RIPOR3: variants seen among roughly 807,000 people sequenced by gnomAD.
The protein encoded by RIPOR3 is family with sequence similarity 65 member C.
RIPOR3 carries 95 observed loss-of-function variants against 114.3 expected under a neutral mutation model. The ratio of observed to expected loss-of-function variants is 0.83; its 90% CI spans 0.70 to 0.99. The LOEUF is 0.99. Ranked by LOEUF, RIPOR3 falls within the 50% of genes least tolerant of loss-of-function variation. The probability of loss-of-function intolerance (pLI) is 0.00; values close to 1 mark genes in which losing one functional copy is unlikely to be tolerated. For missense variants in RIPOR3, 1,252 were observed against 1,266.9 expected (o/e 0.99, Z 0.18); for synonymous variants, 575 against 543.8 (o/e 1.06, Z -0.80).
chr20:50,587,323 C>T lies in RIPOR3; in HGVS notation c.2762G>A (p.Gly921Glu). Reference sequence around the variant, plus strand: ...GTCCATCTTCTCAAAAGCTAACCGTCCTTTTTCACCTGAAATAGCAAAGGG... The same window carrying T: ...GTCCATCTTCTCAAAAGCTAACCGTTCTTTTTCACCTGAAATAGCAAAGGG... ...RETTLSFGEK[G>E]RLAFEKMDKL... Residue 921 changes from glycine (G) to glutamate (E), a missense_variant, in exon 22 of 22, where the codon GGA becomes GAA. Transcript: ENST00000327979. The T allele has an allele frequency of 6.2e-7, 1 of 1,614,022 alleles. No homozygotes were observed. Among genetic ancestry groups the T allele is most frequent in the East Asian group, 2.2e-5 (1 of 44,886 alleles).
At chr20:50,597,509 G>C in intron 14 of RIPOR3, 71 bp downstream of exon 14, 5 of 1,544,190 alleles carry the variant, frequency 3.2e-6, no homozygotes, top group Non-Finnish European at 4.4e-6. Flanking sequence ...AGGCTGGCAG[G>C]AAACGTGGAG....
At chr20:50,589,084 GAAAAAAAAAA>G (rs529410533) in intron 20 of RIPOR3, among the ~76,000 whole-genome samples, 18 of 89,542 alleles carry the variant, frequency 2.0e-4, no homozygotes, top group South Asian at 3.9e-4. Context: ...TCCATCTCAA[GAAAAAAAAAA>G]AAAAAAAAAA....
intron 1 of RIPOR3, among the ~76,000 whole-genome samples, chr20:50,682,425 T>G (rs888155960): frequency 1.4e-4 from 22 of 152,128 alleles, no homozygotes; most frequent in Admixed American, 1.4e-3. Flanking sequence ...CTGGGCAATA[T>G]GCAACATGGC....
rs61215608 is a variant in RIPOR3 at position 50,618,270 on chromosome 20, C to CAA, written c.269+1714_269+1715dup. Reference sequence around the variant, plus strand: ...TGGGTGACAGAGTGAGACTCCGTCTCAAAAAAAAAAAAAAAAAAAAAAAAA... The same window carrying CAA: ...TGGGTGACAGAGTGAGACTCCGTCTCAAAAAAAAAAAAAAAAAAAAAAAAAAA... On this transcript the variant is annotated intron_variant, in intron 3 of 21. Transcript: ENST00000327979. Among the ~76,000 whole-genome samples the CAA allele has an allele frequency of 5.9e-3, 400 of 67,374 alleles. 31 individuals carry two copies. The highest frequency in any genetic ancestry group is 0.017 in the African/African-American group (239 of 13,952). 44.2% of individuals were successfully genotyped at this position (67,374 alleles called of 152,430 possible).
chr20:50,594,238 A>G (rs1018901020), intron 17 of RIPOR3, among the ~76,000 whole-genome samples: 45 of 150,364 alleles, frequency 3.0e-4, no homozygotes, highest in African/African-American at 1.1e-3. Flanking sequence ...ATTGTGCCAC[A>G]GCACTATAGC....
chr20:50,637,641 G>A (rs1433832779), intron 1 of RIPOR3, among the ~76,000 whole-genome samples: 1 of 152,164 alleles, frequency 6.6e-6, no homozygotes, highest in African/African-American at 2.4e-5. Flanking sequence ...TTGGGAGGCT[G>A]AGTCTGGTGG....
At chr20:50,621,715 C>G (rs927274752) in intron 2 of RIPOR3, among the ~76,000 whole-genome samples, 2 of 152,200 alleles carry the variant, frequency 1.3e-5, no homozygotes, top group African/African-American at 4.8e-5. Flanking sequence ...CAGACCAAAT[C>G]TCCATGACAG....
chr20:50,639,357 G>A (rs2085108772), intron 1 of RIPOR3, among the ~76,000 whole-genome samples: 1 of 152,142 alleles, frequency 6.6e-6, no homozygotes, highest in East Asian at 1.9e-4. Flanking sequence ...TGGTACCCAG[G>A]AAGTCTGGCC....
chr20:50,609,289 T>C lies in RIPOR3; in HGVS notation c.640+4A>G. The C allele has an allele frequency of 5.0e-6, 8 of 1,613,772 alleles. No homozygotes were observed. The highest frequency in any genetic ancestry group is 5.9e-6 in the Non-Finnish European group (7 of 1,179,772). On this transcript the variant is annotated splice_donor_region_variant and intron_variant, in intron 8 of 21. Coordinates refer to ENST00000327979, the MANE Select transcript of RIPOR3 (RefSeq NM_001290268.2). ...CTCCGCCCACCCCCTCTCAGCCCTGTTACCTTTCATCCTGATGTGGAACTC... is the reference window on the plus strand; with the variant it reads ...CTCCGCCCACCCCCTCTCAGCCCTGCTACCTTTCATCCTGATGTGGAACTC...
intron 1 of RIPOR3, among the ~76,000 whole-genome samples, chr20:50,688,176 T>G (rs1455235412): frequency 1.3e-5 from 2 of 152,180 alleles, no homozygotes; most frequent in Non-Finnish European, 2.9e-5. Flanking sequence ...TTTGAGACAG[T>G]GTCTTGCTCT....
rs2087205575 is a variant in RIPOR3, at chr20:50,691,301, G to C, written c.-173C>G. 9 of 813,912 alleles carry C rather than the reference G, an allele frequency of 1.1e-5. No homozygotes were observed. The highest frequency in any genetic ancestry group is 3.1e-4 in the Middle Eastern group (1 of 3,208). The allele number at this position is 813,912 out of a possible 1,614,324, so 50.4% of individuals were successfully genotyped here. ...CACCAGCCGCTGGTCCCGCTCTCTG[G>C]GAAGATCGCCTTGAGGACCTGCTGC... is the stretch of plus-strand genomic sequence containing the variant. On this transcript the variant is annotated 5_prime_UTR_variant, in exon 1 of 22. Transcript: ENST00000327979.
At chr20:50,632,757 G>A (rs2084859621) in intron 1 of RIPOR3, among the ~76,000 whole-genome samples, 1 of 152,190 alleles carries the variant, frequency 6.6e-6, no homozygotes, top group Non-Finnish European at 1.5e-5. Flanking sequence ...TTCCATAGAT[G>A]AGGAAACTGA....
At chr20:50,627,786 CAG>C (rs2084675708) in intron 2 of RIPOR3, among the ~76,000 whole-genome samples, 1 of 152,206 alleles carries the variant, frequency 6.6e-6, no homozygotes, top group Non-Finnish European at 1.5e-5. Flanking sequence ...ACCTGGGCGA[CAG>C]AATGACACCC....
In RIPOR3 at chr20:50,604,685, G is replaced by T; in HGVS notation, c.1046C>A (p.Thr349Lys). The T allele has an allele frequency of 6.8e-6, 11 of 1,609,494 alleles. No homozygotes were observed. The highest frequency in any genetic ancestry group is 9.3e-6 in the Non-Finnish European group (11 of 1,178,336). Reference protein sequence around the residue: ...GSRKGSLYNWTPPSTPSFRER... With the variant: ...GSRKGSLYNWKPPSTPSFRER... ...CCGGAAGCTGGGGGTGCTCGGGGGT[G>T]TCCAGTTGTACAAGGAGCCCTTCCT... The change falls in exon 12 of 22, where the codon ACA becomes AAA. Residue 349 changes from threonine to lysine, a missense_variant. Coordinates refer to ENST00000327979, the MANE Select transcript of RIPOR3 (RefSeq NM_001290268.2).
intron 1 of RIPOR3, chr20:50,654,014 AC>A (rs1233653660): frequency 2.6e-5 from 4 of 151,640 alleles, no homozygotes; most frequent in Non-Finnish European, 5.9e-5. Flanking sequence ...GACCACCGGG[AC>A]CCCGTCTCCC....
Position 50,587,340 on chromosome 20 carries a change from A to C in RIPOR3, c.2753-8T>G. The C allele has an allele frequency of 6.2e-7, 1 of 1,612,814 alleles. No individual in the cohort carries two copies. The stretch of plus-strand genomic sequence containing the variant: ...CTAACCGTCCTTTTTCACCTGAAAT[A>C]GCAAAGGGACCTGTCAGCGGGTTGG... On this transcript the variant is annotated splice_region_variant and splice_polypyrimidine_tract_variant and intron_variant, in intron 21 of 21. Transcript: ENST00000327979.
rs181671643 is a variant in RIPOR3, at chr20:50,621,767, G to A, written c.123-1635C>T. ...GCTATGTCTAAAGCTGAACCTGCCC[G>A]TGGACTTTGCAGTTACATGAGCCAA... On this transcript the variant is annotated intron_variant, in intron 2 of 21. Transcript: ENST00000327979. 8.5e-5 allele frequency among the ~76,000 whole-genome samples: 13 copies of A among 152,322 alleles called. No individual in the cohort carries two copies. The East Asian group carries it at 2.3e-3, about 27-fold the overall frequency.
At position 50,630,848 on chromosome 20, in the gene RIPOR3, G is replaced by A. The variant is rs1328137650; in HGVS notation, c.12C>T (p.Thr4=). The A allele has an allele frequency of 6.2e-7, 1 of 1,601,306 alleles. No individual in the cohort carries two copies. Among genetic ancestry groups the A allele is most frequent in the East Asian group, 2.3e-5 (1 of 44,128 alleles). Residue 4 remains threonine, a synonymous_variant, in exon 2 of 22, where the codon ACC becomes ACT. Transcript: ENST00000327979. MVT[T]MSVRLRFLSP... ...ACAGGAACCGCAACCTCACCGACAT[G>A]GTGGTCACCTGCAAGGAGAGGACAG... is the stretch of plus-strand genomic sequence containing the variant.
chr20:50,684,183 G>T (rs1252486633), intron 1 of RIPOR3, among the ~76,000 whole-genome samples: 3 of 134,764 alleles, frequency 2.2e-5, no homozygotes, highest in African/African-American at 7.6e-5. Context: ...GACGTGTGTG[G>T]TAAGGAGAAA....
Sources: gnomAD v4.1 joint callset for allele counts (sites outside exome capture counted in the v4.1 genomes callset) on GRCh38, gnomAD v4.1.1 for gene constraint, MANE v1.5 for transcripts, NCBI Gene and HGNC (gene_info 2026-07-23, HGNC 2026-07-21) for gene names.